The following STN1 variants were observed in gnomAD, a reference collection of about 807,000 sequenced individuals.
STN1 encodes the protein CST complex subunit STN1.
A neutral mutation model predicts 45.5 loss-of-function variants in STN1; 29 were observed. That is an observed-to-expected ratio of 0.64 (90% CI 0.47 to 0.87). STN1 has a LOEUF of 0.87. Ranked by LOEUF, STN1 falls within the 40% of genes least tolerant of loss-of-function variation. The pLI is 0.00. For missense variants in STN1, 376 were observed against 441.4 expected, an observed-to-expected ratio of 0.85 and a Z score of 1.33; for synonymous variants, 148 against 159.0, an observed-to-expected ratio of 0.93 and a Z score of 0.52.
intron 7 of STN1, among the ~76,000 whole-genome samples, chr10:103,895,899 A>G (rs1272423399): frequency 2.0e-5 from 3 of 152,234 alleles, no homozygotes; most frequent in Non-Finnish European, 4.4e-5. Context: ...TGTAGGGGCC[A>G]ACCTATATGT....
rs1419130915 is a variant in STN1 at position 103,877,981 on chromosome 10, G to C, written c.*4703C>G. 1 of 152,226 alleles carries C rather than the reference G, an allele frequency of 6.6e-6. No homozygotes were observed. The highest frequency in any genetic ancestry group is 1.9e-4 in the East Asian group (1 of 5,194). The allele number at this position is 152,226 out of a possible 1,614,324, so 9.4% of individuals were successfully genotyped here. The stretch of plus-strand genomic sequence containing the variant: ...ATCATGGAAAATTACAAGTTTACTT[G>C]GTTTCAGTCCTTGGCACTAAGTCTT... On this transcript the variant is annotated 3_prime_UTR_variant, in exon 10 of 10. Coordinates refer to ENST00000224950, the MANE Select transcript of STN1 (RefSeq NM_024928.5).
Position 103,900,053 on chromosome 10 carries a change from T to G in STN1, c.457+9A>C. 1.2e-6 allele frequency: 2 copies of G among 1,612,888 alleles called. No individual in the cohort carries two copies. The highest frequency in any genetic ancestry group is 1.7e-6 in the Non-Finnish European group (2 of 1,179,184). On this transcript the variant is annotated intron_variant, in intron 5 of 9. Transcript: ENST00000224950. ...AACCACCAATTTGGTAGAAATATCT[T>G]GTGCTTACAGTAAGTGGTGGCATGA...
At chr10:103,884,071 C>G (rs1218240176) in intron 9 of STN1, among the ~76,000 whole-genome samples, 1 of 111,296 alleles carries the variant, frequency 9.0e-6, no homozygotes, top group Non-Finnish European at 1.6e-5. Flanking sequence ...ACCTGGGTGA[C>G]AGAGTGAGAC....
Position 103,877,837 on chromosome 10 carries a change from T to C in STN1, c.*4847A>G, listed in dbSNP as rs1268794380. The stretch of plus-strand genomic sequence containing the variant: ...CCTGTGCAGGCATCTCTGGCGAGCC[T>C]TATCACAGTCTTTCTGAGTTTGCCT... On this transcript the variant is annotated 3_prime_UTR_variant, in exon 10 of 10. Transcript: ENST00000224950. 1 of 152,230 alleles carries C rather than the reference T, an allele frequency of 6.6e-6. No individual in the cohort carries two copies. Among genetic ancestry groups the C allele is most frequent in the Non-Finnish European group, 1.5e-5 (1 of 68,048 alleles). The allele number at this position is 152,230 out of a possible 1,614,324, so 9.4% of individuals were successfully genotyped here. A position where few individuals can be genotyped will look rare whatever the true frequency, so the allele number is the denominator to read the frequency against.
Position 103,882,695 on chromosome 10 carries a change from T to C in STN1, c.1096A>G (p.Thr366Ala), listed in dbSNP as rs753286739. ...CTGCGTGTCTCTGCTCAGAACGCTGTGTAGTAGTGCTCCATTGTGCTGACA... is the reference window on the plus strand; with the variant it reads ...CTGCGTGTCTCTGCTCAGAACGCTGCGTAGTAGTGCTCCATTGTGCTGACA... ...DIVSTMEHYY[T>A]AF Residue 366 changes from threonine to alanine, a missense_variant, in exon 10 of 10, where the codon ACA becomes GCA. Physicochemically the swap from Thr to Ala is moderately conservative, Grantham distance 58. Coordinates refer to ENST00000224950, the MANE Select transcript of STN1 (RefSeq NM_024928.5). 2.2e-5 allele frequency: 36 copies of C among 1,613,096 alleles called. No homozygotes were observed. Among genetic ancestry groups the C allele is most frequent in the Non-Finnish European group, 2.5e-5 (30 of 1,179,496 alleles).
intron 8 of STN1, among the ~76,000 whole-genome samples, chr10:103,889,695 C>CTTTTTT (rs58738841): frequency 1.1e-4 from 14 of 122,120 alleles, no homozygotes; most frequent in South Asian, 2.9e-4. Context: ...TTTCTTTTTC[C>CTTTTTT]TTTTTTTTTT....
rs1279446545 is a variant in STN1 at position 103,897,638 on chromosome 10, C to A, written c.663G>T (p.Val221=). 1.2e-6 allele frequency: 2 copies of A among 1,614,112 alleles called. No individual in the cohort carries two copies. Among genetic ancestry groups the A allele is most frequent in the African/African-American group, 1.3e-5 (1 of 74,938 alleles). ...KAKEFLMENR[V]QSFYQQELEM... ...CCAGCTCCTGCTGGTAAAAGCTCTG[C>A]ACTCTGTTCTCCATGAGGAATTCTT... is the stretch of plus-strand genomic sequence containing the variant. Residue 221 remains valine (V), a synonymous_variant, in exon 7 of 10, where the codon GTG becomes GTT. Coordinates refer to ENST00000224950, the MANE Select transcript of STN1 (RefSeq NM_024928.5).
intron 7 of STN1, among the ~76,000 whole-genome samples, chr10:103,894,405 T>C (rs1843157960): frequency 6.6e-6 from 1 of 152,108 alleles, no homozygotes; most frequent in Non-Finnish European, 1.5e-5. Context: ...ATGCTAGGCC[T>C]AGGAGATTAA....
rs1395671240 is a variant in STN1 at position 103,880,098 on chromosome 10, A to G, written c.*2586T>C. Among the ~76,000 whole-genome samples, 4 of 152,368 alleles carry G rather than the reference A, an allele frequency of 2.6e-5. No individual in the cohort carries two copies. The East Asian group carries it at 7.7e-4, about 29-fold the overall frequency. On this transcript the variant is annotated 3_prime_UTR_variant, in exon 10 of 10. Transcript: ENST00000224950. ...TTCCACACTGGTTGAGTTCTTGCCC[A>G]GCACCAAAGAAGAATGAGAATGTGC...
At chr10:103,906,967 G>A (rs1041415300) in intron 3 of STN1, among the ~76,000 whole-genome samples, 2 of 152,300 alleles carry the variant, frequency 1.3e-5, no homozygotes, top group Admixed American at 6.5e-5. Context: ...GCATCGGATT[G>A]TGAAATGTAA....
chr10:103,914,357 TATA>T (rs1843311946), intron 2 of STN1, among the ~76,000 whole-genome samples: 10 of 76,388 alleles, frequency 1.3e-4, no homozygotes, highest in African/African-American at 4.6e-4. Flanking sequence ...TATATATATA[TATA>T]TATATATATA....
At chr10:103,917,399 C>G in intron 2 of STN1, 63 bp downstream of exon 2, 16 of 1,540,088 alleles carry the variant, frequency 1.0e-5, no homozygotes, top group Non-Finnish European at 1.4e-5. Context: ...TCCCAGCTTT[C>G]TGAGACTTTG....
intron 2 of STN1, among the ~76,000 whole-genome samples, chr10:103,917,258 T>TAAAAA (rs5787502): frequency 3.3e-5 from 3 of 90,678 alleles, no homozygotes; most frequent in Admixed American, 1.1e-4. Context: ...AAACACCTAC[T>TAAAAA]AAAAAAAAAA....
In STN1 at chr10:103,917,519, A is replaced by G. The variant is rs1843341892; in HGVS notation, c.76T>C (p.Phe26Leu). 6.2e-7 allele frequency: 1 copy of G among 1,613,984 alleles called. No individual in the cohort carries two copies. Among genetic ancestry groups the G allele is most frequent in the Admixed American group, 1.7e-5 (1 of 60,004 alleles). The change falls in exon 2 of 10, where the codon TTT becomes CTT. Residue 26 changes from phenylalanine (F) to leucine (L), a missense_variant. Phe to Leu is a conservative substitution (Grantham distance 22). Coordinates refer to ENST00000224950, the MANE Select transcript of STN1 (RefSeq NM_024928.5). ...ATATCCCTGATGTAGAGTTTTGCAAAGGCTAGAAACACAGGATCCAAACCC... is the reference window on the plus strand; with the variant it reads ...ATATCCCTGATGTAGAGTTTTGCAAGGGCTAGAAACACAGGATCCAAACCC... ...LWGLDPVFLA[F>L]AKLYIRDILD...
Position 103,880,923 on chromosome 10 carries a change from G to A in STN1, c.*1761C>T, listed in dbSNP as rs1483831131. 6.6e-6 allele frequency among the ~76,000 whole-genome samples: 1 copy of A among 152,074 alleles called. No homozygotes were observed. Among genetic ancestry groups the A allele is most frequent in the Non-Finnish European group, 1.5e-5 (1 of 68,020 alleles). ...TATGTACATGTGCTACATTTATAAA[G>A]ACCTCCATGCAGAAATATACACTCT... On this transcript the variant is annotated 3_prime_UTR_variant, in exon 10 of 10. Coordinates refer to ENST00000224950, the MANE Select transcript of STN1 (RefSeq NM_024928.5).
intron 2 of STN1, among the ~76,000 whole-genome samples, chr10:103,914,362 ATATATATATATAT>A (rs1465468443): frequency 0.13 from 1,636 of 12,402 alleles, 115 homozygotes; most frequent in South Asian, 0.24. Context: ...ATATATATAT[ATATATATATATAT>A]TTTTTTTTTT....
chr10:103,883,101 AT>A (rs372937263), intron 9 of STN1, among the ~76,000 whole-genome samples: 7 of 152,152 alleles, frequency 4.6e-5, no homozygotes, highest in African/African-American at 1.7e-4. Flanking sequence ...CCAATCAAAG[AT>A]TTTTTTATCT....
chr10:103,887,861 G>A (rs1006340831), intron 9 of STN1, among the ~76,000 whole-genome samples: 3 of 152,172 alleles, frequency 2.0e-5, no homozygotes, highest in Admixed American at 2.0e-4. Context: ...TAATGCAGAT[G>A]AAAATAAGAA....
rs780153128 is a variant in STN1, at chr10:103,917,489, C to T, written c.106G>A (p.Asp36Asn). The change falls in exon 2 of 10, where the codon GAC becomes AAC. Residue 36 changes from aspartate to asparagine, a missense_variant. Asp to Asn is a conservative substitution (Grantham distance 23). Coordinates refer to ENST00000224950, the MANE Select transcript of STN1 (RefSeq NM_024928.5). ...GGCACCTGGCGGGACTCCTTCATGT[C>T]CAGGATATCCCTGATGTAGAGTTTT... Reference protein sequence around the residue: ...FAKLYIRDILDMKESRQVPGV... With the variant: ...FAKLYIRDILNMKESRQVPGV... The T allele has an allele frequency of 6.2e-7, 1 of 1,613,848 alleles. No homozygotes were observed. The highest frequency in any genetic ancestry group is 8.5e-7 in the Non-Finnish European group (1 of 1,179,916).
Sources: gnomAD v4.1 joint callset for allele counts (sites outside exome capture counted in the v4.1 genomes callset) on GRCh38, gnomAD v4.1.1 for gene constraint, MANE v1.5 for transcripts, NCBI Gene and HGNC (gene_info 2026-07-23, HGNC 2026-07-21) for gene names.